C1orf21: variants seen among roughly 807,000 people sequenced by gnomAD.
C1orf21 encodes uncharacterized protein C1orf21.
Under a neutral mutation model 18.7 loss-of-function variants are expected in C1orf21, and 3 were observed. The observed-to-expected ratio is 0.16, with a 90% CI of 0.07 to 0.42. The LOEUF is 0.42. C1orf21 is among the 10% of genes least tolerant of loss of function. The pLI, the probability that C1orf21 is intolerant of heterozygous loss-of-function variation, is 0.99. For missense variants in C1orf21, 104 were observed against 143.6 expected (o/e 0.72, Z 1.41); for synonymous variants, 41 against 46.4 (o/e 0.88, Z 0.47).
intron 1 of C1orf21, among the ~76,000 whole-genome samples, chr1:184,417,761 C>A (rs531615758): frequency 6.6e-6 from 1 of 152,350 alleles, no homozygotes; most frequent in African/African-American, 2.4e-5. Context: ...AGTCACTGAG[C>A]TTGCCACCTC....
At chr1:184,580,353 C>T (rs1412359289) in intron 3 of C1orf21, among the ~76,000 whole-genome samples, 2 of 152,216 alleles carry the variant, frequency 1.3e-5, no homozygotes, top group African/African-American at 4.8e-5. Context: ...TTGTCTGCAG[C>T]TAATCTGGGT....
intron 1 of C1orf21, among the ~76,000 whole-genome samples, chr1:184,451,258 T>C (rs936567078): frequency 6.6e-6 from 1 of 152,090 alleles, no homozygotes; most frequent in African/African-American, 2.4e-5. Context: ...TTAACCATTT[T>C]ATATTTTTAC....
At position 184,619,852 on chromosome 1, in the gene C1orf21, T is replaced by C. The variant is rs947657997; in HGVS notation, c.*296T>C. 3 of 287,742 alleles carry C rather than the reference T, an allele frequency of 1.0e-5. No individual in the cohort carries two copies. The highest frequency in any genetic ancestry group is 1.1e-4 in the Admixed American group (2 of 18,512). 17.8% of individuals were successfully genotyped at this position (287,742 alleles called of 1,614,324 possible). A position where few individuals can be genotyped will look rare whatever the true frequency, so the allele number is the denominator to read the frequency against. ...TGCAGCAAAATTCTGCAATTTCACC[T>C]TAAAGATACTGTTGGTTTTACAGAT... On this transcript the variant is annotated 3_prime_UTR_variant, in exon 6 of 6. Transcript: ENST00000235307.
intron 3 of C1orf21, among the ~76,000 whole-genome samples, chr1:184,585,181 A>G (rs1208369077): frequency 6.6e-6 from 1 of 152,158 alleles, no homozygotes; most frequent in Non-Finnish European, 1.5e-5. Flanking sequence ...ACTATGGTCA[A>G]AGTGTGGTCT....
intron 1 of C1orf21, among the ~76,000 whole-genome samples, chr1:184,445,795 A>T (rs192567666): frequency 4.8e-4 from 73 of 152,242 alleles, no homozygotes; most frequent in African/African-American, 1.7e-3. Flanking sequence ...AGTTCCTATG[A>T]AAAAAATGTT....
chr1:184,509,450 C>T (rs1658112444), intron 3 of C1orf21, among the ~76,000 whole-genome samples: 1 of 152,158 alleles, frequency 6.6e-6, no homozygotes, highest in African/African-American at 2.4e-5. Context: ...CAGTACACTT[C>T]AAGTGTGTAA....
At chr1:184,410,274 G>A (rs1244601824) in intron 1 of C1orf21, among the ~76,000 whole-genome samples, 1 of 152,030 alleles carries the variant, frequency 6.6e-6, no homozygotes, top group African/African-American at 2.4e-5. Context: ...ACAGGATTAT[G>A]CTGAGATAAA....
At chr1:184,611,709 TG>T (rs1558014466) in intron 5 of C1orf21, among the ~76,000 whole-genome samples, 1 of 152,182 alleles carries the variant, frequency 6.6e-6, no homozygotes, top group African/African-American at 2.4e-5. Context: ...AGAATGCAGG[TG>T]GGGCAATTGT....
At chr1:184,538,068 C>T (rs192514168) in intron 3 of C1orf21, among the ~76,000 whole-genome samples, 15 of 152,150 alleles carry the variant, frequency 9.9e-5, no homozygotes, top group East Asian at 9.7e-4. Context: ...TGTAACTTTT[C>T]GCATTCCCAC....
At position 184,457,205 on chromosome 1, in the gene C1orf21, C is replaced by T. The variant is rs538775252; in HGVS notation, c.-124-20181C>T. Among the ~76,000 whole-genome samples the T allele has an allele frequency of 2.6e-5, 4 of 152,274 alleles. No homozygotes were observed. In the East Asian group the frequency reaches 7.7e-4, roughly 29 times the overall value. ...CTTAAAGGAAGGAACTTGTTGAGGA[C>T]ATAGAAGTGACTAGAATTGCATCCG... On this transcript the variant is annotated intron_variant, in intron 1 of 5. Transcript: ENST00000235307.
At chr1:184,487,649 A>G (rs1657752583) in intron 2 of C1orf21, among the ~76,000 whole-genome samples, 1 of 152,204 alleles carries the variant, frequency 6.6e-6, no homozygotes, top group Non-Finnish European at 1.5e-5. Flanking sequence ...ATGTCTGGAG[A>G]TTCTAATATG....
chr1:184,572,390 T>C (rs144135252), intron 3 of C1orf21, among the ~76,000 whole-genome samples: 55 of 152,350 alleles, frequency 3.6e-4, no homozygotes, highest in Non-Finnish European at 7.6e-4. Flanking sequence ...TGGACCAGTA[T>C]ACATGCTATT....
At chr1:184,598,582 A>G (rs1317914627) in intron 5 of C1orf21, 121 bp downstream of exon 5, 4 of 986,390 alleles carry the variant, frequency 4.1e-6, no homozygotes, top group Middle Eastern at 3.3e-4. Flanking sequence ...GTTTGGGTGG[A>G]GAGTTAAATA....
At chr1:184,567,751 C>A in intron 3 of C1orf21, 1 of 306,424 alleles carries the variant, frequency 3.3e-6, no homozygotes, top group Non-Finnish European at 6.7e-6. Flanking sequence ...GTGAACCCAG[C>A]CCATGCTGAA....
chr1:184,613,911 G>A (rs1379040725), intron 5 of C1orf21, among the ~76,000 whole-genome samples: 2 of 152,106 alleles, frequency 1.3e-5, no homozygotes, highest in Non-Finnish European at 2.9e-5. Flanking sequence ...GGAGGCTGAG[G>A]AAGGAAAATT....
intron 2 of C1orf21, among the ~76,000 whole-genome samples, chr1:184,500,950 T>A (rs1657967277): frequency 6.6e-6 from 1 of 152,200 alleles, no homozygotes; most frequent in Non-Finnish European, 1.5e-5. Context: ...CTGTGACTTC[T>A]CTGGCTCCTT....
Position 184,410,652 on chromosome 1 carries a change from TATATA to T in C1orf21, c.-125+23285_-125+23289del, listed in dbSNP as rs1223578807. On this transcript the variant is annotated intron_variant, in intron 1 of 5. Transcript: ENST00000235307. ...ATATATATATATATATATATATATATATATATATATATTTTTTTTTTTTTTTTTTG... is the reference window on the plus strand; with the variant it reads ...ATATATATATATATATATATATATATTATATATTTTTTTTTTTTTTTTTTG... Among the ~76,000 whole-genome samples the T allele has an allele frequency of 4.2e-3, 30 of 7,144 alleles. 4 individuals carry two copies. The highest frequency in any genetic ancestry group is 0.017 in the African/African-American group (10 of 586). 4.7% of individuals were successfully genotyped at this position (7,144 alleles called of 152,430 possible). A position where few individuals can be genotyped will look rare whatever the true frequency, so the allele number is the denominator to read the frequency against.
rs200793554 is a variant in C1orf21, at chr1:184,477,472, T to C, written c.-38T>C. 5.0e-5 allele frequency: 77 copies of C among 1,554,006 alleles called. No homozygotes were observed. The highest frequency in any genetic ancestry group is 5.7e-5 in the Non-Finnish European group (65 of 1,131,638). On this transcript the variant is annotated 5_prime_UTR_variant, in exon 2 of 6. Transcript: ENST00000235307. Reference sequence around the variant, plus strand: ...ATGTCCCTGTGTCTGTAGAGATGATTTGCAGTTCAGCCCGGCTGAAGCTGA... The same window carrying C: ...ATGTCCCTGTGTCTGTAGAGATGATCTGCAGTTCAGCCCGGCTGAAGCTGA...
At chr1:184,603,373 C>T (rs777383081) in intron 5 of C1orf21, among the ~76,000 whole-genome samples, 26 of 152,248 alleles carry the variant, frequency 1.7e-4, no homozygotes, top group Non-Finnish European at 3.4e-4. Flanking sequence ...ATGAGCATGC[C>T]TAGTGCATCT....
Sources: allele counts gnomAD v4.1 joint callset (sites outside exome capture counted in the v4.1 genomes callset), GRCh38; gene constraint gnomAD v4.1.1; transcripts MANE v1.5; gene names NCBI Gene and HGNC (gene_info 2026-07-23, HGNC 2026-07-21).